Variants in AGBL1 observed in about 807,000 individuals in gnomAD.
AGBL1 encodes AGBL carboxypeptidase 1, also known as cytosolic carboxypeptidase 4.
A neutral mutation model predicts 118.9 loss-of-function variants in AGBL1; 130 were observed. The ratio of observed to expected loss-of-function variants is 1.09; its 90% CI spans 0.95 to 1.26. AGBL1 has a LOEUF of 1.26. Ranked by LOEUF, AGBL1 falls within the 50% of genes most tolerant of loss-of-function variation. AGBL1 has a pLI of 0.00. For missense variants in AGBL1, 1,584 were observed against 1,298.1 expected (o/e 1.22, Z -3.38); for synonymous variants, 555 against 478.9 (o/e 1.16, Z -2.08).
At chr15:86,972,268 G>C (rs996221010) in intron 23 of AGBL1, among the ~76,000 whole-genome samples, 2 of 151,918 alleles carry the variant, frequency 1.3e-5, no homozygotes, top group Admixed American at 6.6e-5. Flanking sequence ...AGGAGAGAAG[G>C]AGAAAGAAGT....
intron 17 of AGBL1, among the ~76,000 whole-genome samples, chr15:86,395,804 G>T (rs533571836): frequency 1.3e-5 from 2 of 151,922 alleles, no homozygotes; most frequent in Non-Finnish European, 2.9e-5. Flanking sequence ...TTTGGTCTTA[G>T]TGATGATAAT....
chr15:86,822,341 G>T (rs548270640), intron 22 of AGBL1, among the ~76,000 whole-genome samples: 54 of 152,148 alleles, frequency 3.5e-4, no homozygotes, highest in African/African-American at 1.2e-3. Flanking sequence ...CTGCTTCTCT[G>T]ATATTTCTCT....
intron 17 of AGBL1, among the ~76,000 whole-genome samples, chr15:86,379,307 TATG>T (rs1261167232): frequency 6.6e-6 from 1 of 152,224 alleles, no homozygotes; most frequent in Non-Finnish European, 1.5e-5. Flanking sequence ...TGGAACAGAA[TATG>T]ATAATATTAT....
intron 22 of AGBL1, among the ~76,000 whole-genome samples, chr15:86,834,714 C>A (rs1432509284): frequency 1.3e-5 from 2 of 152,108 alleles, no homozygotes; most frequent in Non-Finnish European, 2.9e-5. Flanking sequence ...TGGACTTTGA[C>A]CCACTTCACA....
intron 19 of AGBL1, among the ~76,000 whole-genome samples, chr15:86,542,030 T>A (rs1022661205): frequency 3.9e-5 from 6 of 152,206 alleles, no homozygotes; most frequent in Non-Finnish European, 8.8e-5. Flanking sequence ...GAGTATACAA[T>A]CTAGAGGTTC....
At chr15:86,695,168 G>T (rs551099185) in intron 22 of AGBL1, among the ~76,000 whole-genome samples, 1 of 152,102 alleles carries the variant, frequency 6.6e-6, no homozygotes, top group South Asian at 2.1e-4. Flanking sequence ...AATAGGATTG[G>T]TACTAATTAT....
rs144768708 is a variant in AGBL1, at chr15:86,445,095, G to T, written c.2555+47549G>T. Among the ~76,000 whole-genome samples the T allele has an allele frequency of 9.9e-3, 1,513 of 152,232 alleles. 31 individuals carry two copies. The highest frequency in any genetic ancestry group is 0.034 in the African/African-American group (1,427 of 41,530). ...TATTACCGTGTGCATCTTCCTATCT[G>T]CTTCACATGGGAATGGATGTGGCTT... On this transcript the variant is annotated intron_variant, in intron 18 of 22. Transcript: ENST00000614907.
chr15:86,777,189 C>T (rs1160239264), intron 22 of AGBL1, among the ~76,000 whole-genome samples: 1 of 152,086 alleles, frequency 6.6e-6, no homozygotes, highest in African/African-American at 2.4e-5. Flanking sequence ...CTCTCATATA[C>T]ATGAGGGGGT....
At chr15:86,233,302 A>G (rs2078486115) in intron 6 of AGBL1, among the ~76,000 whole-genome samples, 1 of 151,918 alleles carries the variant, frequency 6.6e-6, no homozygotes, top group African/African-American at 2.4e-5. Flanking sequence ...GAAATCAAAC[A>G]CTTGACTTCA....
chr15:86,411,796 T>C (rs1396513787), intron 18 of AGBL1, among the ~76,000 whole-genome samples: 4 of 152,130 alleles, frequency 2.6e-5, no homozygotes, highest in Non-Finnish European at 1.5e-5. Context: ...ATTACTAAAG[T>C]AATTACAATA....
intron 22 of AGBL1, among the ~76,000 whole-genome samples, chr15:86,740,587 A>G (rs2077663370): frequency 6.6e-6 from 1 of 152,202 alleles, no homozygotes; most frequent in South Asian, 2.1e-4. Flanking sequence ...GTCAGTGTGA[A>G]GTTGAGTGAT....
chr15:86,805,959 A>G (rs575970971), intron 22 of AGBL1, among the ~76,000 whole-genome samples: 1 of 152,138 alleles, frequency 6.6e-6, no homozygotes, highest in Non-Finnish European at 1.5e-5. Context: ...AGAAAATACT[A>G]ATGGGGTCTA....
chr15:86,410,629 T>A lies in AGBL1; in HGVS notation c.2555+13083T>A, dbSNP rs1465336561. 2.0e-5 allele frequency among the ~76,000 whole-genome samples: 3 copies of A among 151,044 alleles called. No homozygotes were observed. In the East Asian group the frequency reaches 5.9e-4, roughly 30 times the overall value. On this transcript the variant is annotated intron_variant, in intron 18 of 22. Transcript: ENST00000614907. Reference sequence around the variant, plus strand: ...AAGGTAATGGTTCCTTTTATTGTGTTCTGATGCCTAAATTTCAGTGGTAGG... The same window carrying A: ...AAGGTAATGGTTCCTTTTATTGTGTACTGATGCCTAAATTTCAGTGGTAGG...
chr15:86,486,659 A>G (rs2082716115), intron 18 of AGBL1, among the ~76,000 whole-genome samples: 1 of 152,110 alleles, frequency 6.6e-6, no homozygotes, highest in Non-Finnish European at 1.5e-5. Context: ...TTATTATAGT[A>G]CAGACTTTTT....
intron 18 of AGBL1, among the ~76,000 whole-genome samples, chr15:86,450,383 C>A (rs1344824919): frequency 6.6e-6 from 1 of 152,136 alleles, no homozygotes; most frequent in African/African-American, 2.4e-5. Context: ...GGCTCCCTGG[C>A]TGGGTCGGAT....
chr15:86,227,413 C>G (rs1049385997), intron 6 of AGBL1, among the ~76,000 whole-genome samples: 2 of 152,246 alleles, frequency 1.3e-5, no homozygotes, highest in Non-Finnish European at 2.9e-5. Flanking sequence ...CAGGGTTTCT[C>G]AATGTACCAT....
At chr15:86,949,687 A>G (rs2080858986) in intron 23 of AGBL1, among the ~76,000 whole-genome samples, 1 of 152,150 alleles carries the variant, frequency 6.6e-6, no homozygotes, top group Non-Finnish European at 1.5e-5. Context: ...ATCCTTCTCC[A>G]TTCTAGAACC....
At chr15:86,426,435 G>C (rs1338568293) in intron 18 of AGBL1, among the ~76,000 whole-genome samples, 3 of 152,194 alleles carry the variant, frequency 2.0e-5, no homozygotes, top group Admixed American at 1.3e-4. Context: ...AGCACCAAGA[G>C]AAATTGTGTA....
rs185355170 is a variant in AGBL1, at chr15:86,215,054, T to C, written c.489-9860T>C. Among the ~76,000 whole-genome samples the C allele has an allele frequency of 3.0e-4, 46 of 152,330 alleles. No individual in the cohort carries two copies. The East Asian group carries it at 8.5e-3, about 28-fold the overall frequency. ...TGGGCACAGGATCTGGTTCCATTTC[T>C]GCACCATATGTTTATTATGCTTTTT... On this transcript the variant is annotated intron_variant, in intron 5 of 22. Transcript: ENST00000614907.
Sources: allele counts gnomAD v4.1 joint callset (sites outside exome capture counted in the v4.1 genomes callset), GRCh38; gene constraint gnomAD v4.1.1; transcripts MANE v1.5; gene names NCBI Gene and HGNC (gene_info 2026-07-23, HGNC 2026-07-21).